Variants in PPL observed in about 807,000 individuals in gnomAD.
The protein encoded by PPL is 190 kDa paraneoplastic pemphigus antigen.
PPL carries 198 observed loss-of-function variants against 194.4 expected under a neutral mutation model. That is an observed-to-expected ratio of 1.02 (90% CI 0.91 to 1.15). The LOEUF (loss-of-function observed/expected upper bound fraction) is 1.15. PPL is among the 50% of genes most tolerant of loss of function. The pLI is 0.00. For missense variants in PPL, 2,885 were observed against 2,294.8 expected (o/e 1.26, Z -5.25); for synonymous variants, 1,220 against 972.4 (o/e 1.25, Z -4.74).
At chr16:4,907,265 AAAAAAT>A (rs529258546) in intron 2 of PPL, among the ~76,000 whole-genome samples, 60 of 151,634 alleles carry the variant, frequency 4.0e-4, no homozygotes, top group African/African-American at 1.4e-3. Flanking sequence ...CTGTCTCAAT[AAAAAAT>A]AAAAATAAAA....
intron 2 of PPL, among the ~76,000 whole-genome samples, chr16:4,908,580 C>T (rs2088752658): frequency 6.6e-6 from 1 of 152,156 alleles, no homozygotes; most frequent in Non-Finnish European, 1.5e-5. Context: ...CTCTGCTGCC[C>T]AGGCTGGAGT....
chr16:4,885,945 C>T lies in PPL; in HGVS notation c.2710G>A (p.Glu904Lys), dbSNP rs1164467226. ...KIRKELDEET[E>K]RRRQLENEVK... ...TCGTTCTCCAGCTGCCGCCTCCGCT[C>T]AGTCTCCTCATCCAGTTCCTTCCTG... is the stretch of plus-strand genomic sequence containing the variant. Residue 904 changes from glutamate to lysine, a missense_variant, in exon 22 of 22, where the codon GAG (glutamate) becomes AAG (lysine). By Grantham distance (56) the Glu-to-Lys change is moderately conservative. Transcript: ENST00000345988. This position sits in a 1 kb window ranked among gnomAD's most constrained non-coding sequence, Gnocchi z 6.3. The T allele has an allele frequency of 2.5e-6, 4 of 1,613,416 alleles. No individual in the cohort carries two copies. Among genetic ancestry groups the T allele is most frequent in the East Asian group, 4.5e-5 (2 of 44,896 alleles).
At chr16:4,889,429 T>C (rs916465911) in intron 18 of PPL, among the ~76,000 whole-genome samples, 1 of 151,492 alleles carries the variant, frequency 6.6e-6, no homozygotes, top group East Asian at 1.9e-4. Flanking sequence ...TAATTTTTTT[T>C]TGTATTTTTA....
rs571860589 is a variant in PPL at position 4,890,273 on chromosome 16, C to T, written c.2224G>A (p.Val742Met). 8.7e-6 allele frequency: 14 copies of T among 1,614,200 alleles called. No homozygotes were observed. The highest frequency in any genetic ancestry group is 5.3e-5 in the African/African-American group (4 of 75,056). Reference sequence around the variant, plus strand: ...GGGATGCTGACTAGGAACTGCAGCACGTGGTCATGGCCGCGGTGGAAGTGC... The same window carrying T: ...GGGATGCTGACTAGGAACTGCAGCATGTGGTCATGGCCGCGGTGGAAGTGC... ...YEHFHRGHDH[V>M]LQFLVSIPSY... Residue 742 changes from valine to methionine, a missense_variant, in exon 18 of 22, where the codon GTG becomes ATG. Val to Met is a conservative substitution (Grantham distance 21, BLOSUM62 1). Transcript: ENST00000345988.
At position 4,936,974 on chromosome 16, in the gene PPL, GCCT is replaced by G; in HGVS notation, c.62+7_62+9del. ...AGCGTCCCGGAGCGGAGCTGTGGGCGCCTCCTCACCTCCGGGTCTGCACAGTGG... is the reference window on the plus strand; with the variant it reads ...AGCGTCCCGGAGCGGAGCTGTGGGCGCCTCACCTCCGGGTCTGCACAGTGG... On this transcript the variant is annotated splice_region_variant and intron_variant, in intron 1 of 21. Transcript: ENST00000345988. 6.3e-7 allele frequency: 1 copy of G among 1,586,266 alleles called. No homozygotes were observed. The highest frequency in any genetic ancestry group is 8.6e-7 in the Non-Finnish European group (1 of 1,167,024).
At position 4,883,823 on chromosome 16, in the gene PPL, C is replaced by T. The variant is rs766571258; in HGVS notation, c.4832G>A (p.Arg1611Lys). The stretch of plus-strand genomic sequence containing the variant: ...CAGTTCCCTCTCCAGGGACCACAGT[C>T]TGGAGTCATGGTTGGTCCCAGAGTC... ...VADSGTNHDS[R>K]LWSLERELDD... Residue 1611 changes from arginine (R) to lysine (K), a missense_variant, in exon 22 of 22, where the codon AGA (arginine) becomes AAA (lysine). Transcript: ENST00000345988. The surrounding 1 kb of genome is among the most constrained non-coding windows in gnomAD (Gnocchi z 4.8). The T allele has an allele frequency of 1.2e-6, 2 of 1,614,036 alleles. No individual in the cohort carries two copies. The highest frequency in any genetic ancestry group is 2.7e-5 in the African/African-American group (2 of 74,940).
Position 4,897,659 on chromosome 16 carries a change from C to A in PPL, c.972+16G>T, listed in dbSNP as rs762598638. 5 of 1,608,538 alleles carry A rather than the reference C, an allele frequency of 3.1e-6. No individual in the cohort carries two copies. In the Admixed American group the frequency reaches 5.0e-5, roughly 16 times the overall value. ...GCACCCCCGGTGCTGGGGGGACTCC[C>A]AGGAAAGGTAAGTACCTGGTGGTAG... On this transcript the variant is annotated intron_variant, in intron 9 of 21. Transcript: ENST00000345988.
rs145165808 is a variant in PPL, at chr16:4,885,511, C to T, written c.3144G>A (p.Ala1048=). The T allele has an allele frequency of 1.1e-5, 17 of 1,611,282 alleles. No individual in the cohort carries two copies. Among genetic ancestry groups the T allele is most frequent in the Admixed American group, 6.7e-5 (4 of 60,006 alleles). The change falls in exon 22 of 22, where the codon GCG becomes GCA. Residue 1048 remains alanine, a synonymous_variant. Transcript: ENST00000345988. This position sits in a 1 kb window ranked among gnomAD's most constrained non-coding sequence, Gnocchi z 6.3. ...CCTCTTTCTCTGTGACCTTCTCCTG[C>T]GCCCGGCTCTTCTCTTCAGCCAGGG... ...VAALAEEKSR[A]QEKVTEKEVV...
intron 1 of PPL, among the ~76,000 whole-genome samples, chr16:4,933,366 G>T (rs370214890): frequency 1.3e-5 from 2 of 152,170 alleles, no homozygotes; most frequent in African/African-American, 4.8e-5. Context: ...CTGGGACCCA[G>T]GTCTGGGTGG....
chr16:4,930,386 C>G (rs758896631), intron 1 of PPL, among the ~76,000 whole-genome samples: 2 of 152,172 alleles, frequency 1.3e-5, no homozygotes, highest in East Asian at 3.9e-4. Flanking sequence ...GCTCAGGCCT[C>G]GCACTCCTTT....
intron 1 of PPL, 43 bp from the exon 2 acceptor site, chr16:4,910,992 G>A: frequency 2.0e-6 from 3 of 1,527,492 alleles, no homozygotes; most frequent in Non-Finnish European, 2.7e-6. Context: ...GTGCCTGGTG[G>A]GTGGGGGCTA....
Position 4,884,990 on chromosome 16 carries a change from C to T in PPL, c.3665G>A (p.Arg1222Gln), listed in dbSNP as rs145882228. The change falls in exon 22 of 22, where the codon CGA becomes CAA. Residue 1222 changes from arginine (R) to glutamine (Q), a missense_variant. Arg to Gln is a conservative substitution (Grantham distance 43). Transcript: ENST00000345988. This position sits in a 1 kb window ranked among gnomAD's most constrained non-coding sequence, Gnocchi z 5.7. ...CTCTTTGACTTCCACCTGGGGGCCT[C>T]GCCTCCTGAGGGCCTCCAGCTCACT... ...YQSELEALRRRGPQVEVKEVT... is the reference protein window; with the variant it reads ...YQSELEALRRQGPQVEVKEVT... The T allele has an allele frequency of 2.4e-4, 394 of 1,614,058 alleles. No homozygotes were observed. Among genetic ancestry groups the T allele is most frequent in the East Asian group, 2.0e-4 (9 of 44,872 alleles).
At chr16:4,927,895 T>A (rs958092441) in intron 1 of PPL, among the ~76,000 whole-genome samples, 3 of 152,128 alleles carry the variant, frequency 2.0e-5, no homozygotes, top group African/African-American at 7.2e-5. Context: ...CCAAGGCAGG[T>A]CTTGAAGACA....
At chr16:4,905,326 A>C (rs185558034) in intron 2 of PPL, among the ~76,000 whole-genome samples, 186 of 152,372 alleles carry the variant, frequency 1.2e-3, no homozygotes, top group African/African-American at 3.4e-3. Flanking sequence ...TCAAAGGCAA[A>C]GAAGCCAGAC....
intron 1 of PPL, among the ~76,000 whole-genome samples, chr16:4,929,141 A>G (rs1297826153): frequency 6.6e-6 from 1 of 151,590 alleles, no homozygotes; most frequent in East Asian, 1.9e-4. Flanking sequence ...TGTAATAATC[A>G]TAATTTAGGG....
In PPL at chr16:4,891,843, G is replaced by T. The variant is rs181246047; in HGVS notation, c.1936C>A (p.Arg646Ser). 6.2e-7 allele frequency: 1 copy of T among 1,613,254 alleles called. No individual in the cohort carries two copies. Among genetic ancestry groups the T allele is most frequent in the Non-Finnish European group, 8.5e-7 (1 of 1,179,904 alleles). ...NQDDTVPESS[R>S]VLDSKGQELA... ...TCCTGCCCCTTGCTGTCCAGGACAC[G>T]GCTGCTCTCAGGCACTGTGTCATCC... Residue 646 changes from arginine (R) to serine (S), a missense_variant, in exon 16 of 22, where the codon CGT becomes AGT. Physicochemically the swap from Arg to Ser is moderately radical, Grantham distance 110. Transcript: ENST00000345988.
At chr16:4,897,544 G>T in intron 9 of PPL, 131 bp downstream of exon 9, 1 of 659,312 alleles carries the variant, frequency 1.5e-6, no homozygotes, top group Non-Finnish European at 2.6e-6. Flanking sequence ...GGGTGCTGGG[G>T]GCCTGGGATG....
intron 16 of PPL, 32 bp downstream of exon 16, chr16:4,891,778 GA>G (rs1361442981): frequency 6.3e-7 from 1 of 1,582,506 alleles, no homozygotes; most frequent in Non-Finnish European, 8.6e-7. Flanking sequence ...CCTGCTCAGA[GA>G]AGGACTCCCA....
rs2088594793 is a variant in PPL at position 4,902,480 on chromosome 16, T to G, written c.364A>C (p.Lys122Gln). Residue 122 changes from lysine to glutamine, a missense_variant, in exon 4 of 22, where the codon AAG (lysine) becomes CAG (glutamine). Transcript: ENST00000345988. This position sits in a 1 kb window ranked among gnomAD's most constrained non-coding sequence, Gnocchi z 4.0. ...ERVTNLRGKH[K>Q]QIYRLAVKEV... ...TTCACCGCCAGCCTGTAGATCTGCT[T>G]GTGTTTCCCGCGCAGGTTGGTCACA... is the stretch of plus-strand genomic sequence containing the variant. 6.2e-7 allele frequency: 1 copy of G among 1,613,880 alleles called. No homozygotes were observed. Among genetic ancestry groups the G allele is most frequent in the African/African-American group, 1.3e-5 (1 of 74,940 alleles).
Sources: allele counts gnomAD v4.1 joint callset (sites outside exome capture counted in the v4.1 genomes callset), GRCh38; gene constraint gnomAD v4.1.1; non-coding constraint Gnocchi (gnomAD v3.1); transcripts MANE v1.5; gene names NCBI Gene and HGNC (gene_info 2026-07-23, HGNC 2026-07-21).